Variants in PPP1R9A observed in about 807,000 individuals in gnomAD.
The protein encoded by PPP1R9A is protein phosphatase 1 regulatory subunit 9A.
In PPP1R9A, 59 loss-of-function variants were observed where a neutral mutation model predicts 141.9. The ratio of observed to expected loss-of-function variants is 0.42; its 90% confidence interval spans 0.34 to 0.52. The LOEUF (loss-of-function observed/expected upper bound fraction) is 0.52. Among genes scored for constraint, PPP1R9A ranks in the 20% least tolerant of loss-of-function variants. The probability of loss-of-function intolerance (pLI) is 0.10; values close to 1 mark genes in which losing one functional copy is unlikely to be tolerated. For synonymous variants in PPP1R9A, 500 were observed against 569.7 expected (o/e 0.88, Z 1.74); for missense variants, 1,444 against 1,611.9 (o/e 0.90, Z 1.78).
At chr7:95,057,221 C>T (rs1476371878) in intron 2 of PPP1R9A, among the ~76,000 whole-genome samples, 2 of 151,994 alleles carry the variant, frequency 1.3e-5, no homozygotes, top group African/African-American at 4.8e-5. Flanking sequence ...ATTTCAAATA[C>T]TGTATCATTC....
chr7:95,010,733 A>G (rs111577049), intron 2 of PPP1R9A, among the ~76,000 whole-genome samples: 4,352 of 152,112 alleles, frequency 0.029, 201 homozygotes, highest in African/African-American at 0.099. Context: ...TAATCAAAAT[A>G]TATAATTTTA....
chr7:95,040,446 C>A (rs1417827238), intron 2 of PPP1R9A, among the ~76,000 whole-genome samples: 2 of 151,672 alleles, frequency 1.3e-5, no homozygotes, highest in Non-Finnish European at 2.9e-5. Flanking sequence ...TGAGACCAGC[C>A]TGGGCAATAT....
chr7:95,159,731 G>A (rs556913109), intron 4 of PPP1R9A, among the ~76,000 whole-genome samples: 31 of 152,060 alleles, frequency 2.0e-4, no homozygotes, highest in African/African-American at 7.0e-4. Flanking sequence ...AGACCAGCCT[G>A]ACCAACATGA....
chr7:95,047,914 G>A (rs780032834), intron 2 of PPP1R9A, among the ~76,000 whole-genome samples: 10 of 152,066 alleles, frequency 6.6e-5, no homozygotes, highest in Non-Finnish European at 1.3e-4. Context: ...AAACATGCTG[G>A]TTAATAAATC....
intron 2 of PPP1R9A, among the ~76,000 whole-genome samples, chr7:94,986,222 GT>G (rs1427894910): frequency 6.6e-6 from 1 of 152,000 alleles, no homozygotes; most frequent in Non-Finnish European, 1.5e-5. Flanking sequence ...CTGTTCTGTT[GT>G]CTCTTCCTTT....
chr7:95,106,811 T>G (rs1819584851), intron 2 of PPP1R9A, among the ~76,000 whole-genome samples: 1 of 152,148 alleles, frequency 6.6e-6, no homozygotes, highest in Non-Finnish European at 1.5e-5. Context: ...GTCTTTTTTT[T>G]GTTTGTTTTT....
At chr7:95,127,524 T>G (rs1823786075) in intron 4 of PPP1R9A, among the ~76,000 whole-genome samples, 1 of 150,506 alleles carries the variant, frequency 6.6e-6, no homozygotes, top group South Asian at 2.1e-4. Context: ...TTTTTTAAAC[T>G]TTTATTTTAG....
intron 12 of PPP1R9A, among the ~76,000 whole-genome samples, chr7:95,253,909 A>G (rs972398944): frequency 1.3e-5 from 2 of 152,102 alleles, no homozygotes; most frequent in African/African-American, 2.4e-5. Context: ...AGCAGTATCT[A>G]GTAGCTTTTC....
At chr7:95,215,442 G>A (rs1462940175) in intron 7 of PPP1R9A, among the ~76,000 whole-genome samples, 1 of 152,120 alleles carries the variant, frequency 6.6e-6, no homozygotes, top group Non-Finnish European at 1.5e-5. Flanking sequence ...ACGTGTGCAT[G>A]TGTCTTTATA....
At chr7:94,931,549 T>C (rs1192412777) in intron 2 of PPP1R9A, among the ~76,000 whole-genome samples, 2 of 152,170 alleles carry the variant, frequency 1.3e-5, no homozygotes, top group Non-Finnish European at 2.9e-5. Flanking sequence ...GGATTTTTTT[T>C]CTGCATGAAT....
intron 4 of PPP1R9A, among the ~76,000 whole-genome samples, chr7:95,139,570 T>TG (rs1208794577): frequency 1.3e-5 from 2 of 152,182 alleles, no homozygotes; most frequent in Non-Finnish European, 2.9e-5. Context: ...GTTATTCTGT[T>TG]GCAGTGAGGC....
At chr7:95,030,569 T>C (rs1398103960) in intron 2 of PPP1R9A, among the ~76,000 whole-genome samples, 1 of 152,136 alleles carries the variant, frequency 6.6e-6, no homozygotes, top group Non-Finnish European at 1.5e-5. Flanking sequence ...TCTGATTTCC[T>C]AGAGGCAAAT....
chr7:95,136,331 C>G (rs2152549593), intron 4 of PPP1R9A, among the ~76,000 whole-genome samples: 1 of 152,188 alleles, frequency 6.6e-6, no homozygotes, highest in Non-Finnish European at 1.5e-5. Flanking sequence ...TGACATGCAC[C>G]TATAGTCTCA....
chr7:94,960,327 A>C (rs1050310705), intron 2 of PPP1R9A, among the ~76,000 whole-genome samples: 2 of 151,784 alleles, frequency 1.3e-5, no homozygotes, highest in Middle Eastern at 3.4e-3. Flanking sequence ...GATCAGTGAA[A>C]TCTTTTAGTC....
intron 2 of PPP1R9A, among the ~76,000 whole-genome samples, chr7:95,032,688 A>G (rs527446924): frequency 1.3e-5 from 2 of 152,320 alleles, no homozygotes; most frequent in South Asian, 2.1e-4. Flanking sequence ...TTTGGGCTAT[A>G]TAGCCTGTGT....
intron 7 of PPP1R9A, among the ~76,000 whole-genome samples, chr7:95,216,830 T>G (rs945818735): frequency 3.9e-5 from 6 of 152,226 alleles, no homozygotes; most frequent in Non-Finnish European, 7.3e-5. Context: ...ATCCTGAGAC[T>G]TTGCTGAAGT....
At chr7:95,034,565 C>T (rs572956899) in intron 2 of PPP1R9A, among the ~76,000 whole-genome samples, 76 of 152,180 alleles carry the variant, frequency 5.0e-4, no homozygotes, top group Non-Finnish European at 8.7e-4. Context: ...GTTGGTCCAG[C>T]TGGTCTCGAA....
At chr7:94,931,111 A>G (rs1301873539) in intron 2 of PPP1R9A, among the ~76,000 whole-genome samples, 5 of 152,200 alleles carry the variant, frequency 3.3e-5, no homozygotes, top group Non-Finnish European at 7.3e-5. Flanking sequence ...TGGGTCTATA[A>G]TGATCTTAAA....
chr7:95,076,321 T>C (rs537241809), intron 2 of PPP1R9A, among the ~76,000 whole-genome samples: 2 of 152,214 alleles, frequency 1.3e-5, no homozygotes, highest in Non-Finnish European at 2.9e-5. Flanking sequence ...CTTCACAGAC[T>C]CACATGGTGA....
Sources: gnomAD v4.1 joint callset for allele counts (sites outside exome capture counted in the v4.1 genomes callset) on GRCh38, gnomAD v4.1.1 for gene constraint, MANE v1.5 for transcripts, NCBI Gene and HGNC (gene_info 2026-07-23, HGNC 2026-07-21) for gene names.